The following RFX3 variants were observed in gnomAD, a reference collection of about 807,000 sequenced individuals.
The protein encoded by RFX3 is regulatory factor X3.
In RFX3, 14 loss-of-function variants were observed where a neutral mutation model predicts 98.6. The observed-to-expected ratio is 0.14, with a 90% CI of 0.09 to 0.22. The LOEUF (loss-of-function observed/expected upper bound fraction) is 0.22. RFX3 is among the 10% of genes least tolerant of loss of function. The probability of loss-of-function intolerance (pLI) is 1.00; values close to 1 mark genes in which losing one functional copy is unlikely to be tolerated. For missense variants in RFX3, 639 were observed against 926.9 expected (o/e 0.69, Z 4.03); for synonymous variants, 383 against 328.4 (o/e 1.17, Z -1.80).
chr9:3,464,555 A>T (rs1848024999), intron 1 of RFX3, among the ~76,000 whole-genome samples: 1 of 152,202 alleles, frequency 6.6e-6, no homozygotes, highest in Non-Finnish European at 1.5e-5. Flanking sequence ...AAAATTCTAG[A>T]AACAGCAAAA....
intron 2 of RFX3, among the ~76,000 whole-genome samples, chr9:3,381,520 G>A (rs909265792): frequency 2.0e-5 from 3 of 151,988 alleles, no homozygotes; most frequent in Non-Finnish European, 4.4e-5. Context: ...TCTGTATTAT[G>A]GTTTAATTCT....
intron 1 of RFX3, among the ~76,000 whole-genome samples, chr9:3,508,902 AC>A (rs1168949313): frequency 6.6e-6 from 1 of 151,826 alleles, no homozygotes; most frequent in South Asian, 2.1e-4. Flanking sequence ...TTAGCACAAT[AC>A]CGAAACTAAT....
At chr9:3,426,087 T>C (rs1843992937) in intron 1 of RFX3, among the ~76,000 whole-genome samples, 1 of 152,208 alleles carries the variant, frequency 6.6e-6, no homozygotes. Context: ...TTTACTTATA[T>C]TTTATTTACA....
At chr9:3,375,129 T>C (rs1317628912) in intron 2 of RFX3, among the ~76,000 whole-genome samples, 2 of 152,212 alleles carry the variant, frequency 1.3e-5, no homozygotes, top group African/African-American at 4.8e-5. Flanking sequence ...TTCACTAAAG[T>C]ATTACCTAAA....
intron 1 of RFX3, among the ~76,000 whole-genome samples, chr9:3,460,303 C>G (rs75375733): frequency 0.014 from 2,060 of 152,076 alleles, 61 homozygotes; most frequent in African/African-American, 0.047. Context: ...CTAAAATGCT[C>G]AATTTTCTTA....
chr9:3,516,117 C>A (rs565477647), intron 1 of RFX3, among the ~76,000 whole-genome samples: 30 of 151,994 alleles, frequency 2.0e-4, no homozygotes, highest in African/African-American at 6.8e-4. Context: ...GGCGTGATCT[C>A]GGCTCACTGC....
chr9:3,310,379 C>A (rs1270837539), intron 4 of RFX3, among the ~76,000 whole-genome samples: 2 of 152,076 alleles, frequency 1.3e-5, no homozygotes, highest in Non-Finnish European at 2.9e-5. Context: ...AGAAAAAGAA[C>A]AATTATATCA....
At chr9:3,483,842 G>C (rs1358646668) in intron 1 of RFX3, among the ~76,000 whole-genome samples, 1 of 152,054 alleles carries the variant, frequency 6.6e-6, no homozygotes, top group East Asian at 1.9e-4. Context: ...TCTTAACATA[G>C]TATTTATAAA....
intron 4 of RFX3, among the ~76,000 whole-genome samples, chr9:3,317,471 T>C (rs1315754071): frequency 6.6e-6 from 1 of 152,224 alleles, no homozygotes; most frequent in Non-Finnish European, 1.5e-5. Flanking sequence ...AAGGACTTCA[T>C]GACTAAAACA....
intron 1 of RFX3, among the ~76,000 whole-genome samples, chr9:3,456,659 C>T (rs549382226): frequency 7.2e-5 from 11 of 152,164 alleles, no homozygotes; most frequent in Non-Finnish European, 1.5e-4. Flanking sequence ...TAACCTAACT[C>T]CTAATTTGGC....
At position 3,263,087 on chromosome 9, in the gene RFX3, G is replaced by A. The variant is rs756488742; in HGVS notation, c.1456-3C>T. The A allele has an allele frequency of 1.9e-6, 3 of 1,612,558 alleles. No individual in the cohort carries two copies. The highest frequency in any genetic ancestry group is 1.7e-6 in the Non-Finnish European group (2 of 1,179,290). On this transcript the variant is annotated splice_region_variant and splice_polypyrimidine_tract_variant and intron_variant, in intron 12 of 16. Transcript: ENST00000617270. Reference sequence around the variant, plus strand: ...GCAAAGGCACTTACAGCGGCAACCTGTAACGCAATCCAATTAAGTTGGGAT... The same window carrying A: ...GCAAAGGCACTTACAGCGGCAACCTATAACGCAATCCAATTAAGTTGGGAT...
At chr9:3,325,223 T>C (rs1831777618) in intron 4 of RFX3, among the ~76,000 whole-genome samples, 1 of 152,124 alleles carries the variant, frequency 6.6e-6, no homozygotes, top group Non-Finnish European at 1.5e-5. Flanking sequence ...TTTATACTCT[T>C]AGAAAAAGCA....
intron 11 of RFX3, among the ~76,000 whole-genome samples, chr9:3,268,119 T>C (rs981489752): frequency 3.3e-5 from 5 of 151,874 alleles, no homozygotes; most frequent in African/African-American, 1.2e-4. Flanking sequence ...CATTTAAGTG[T>C]TACCCATTGA....
rs936414946 is a variant in RFX3, at chr9:3,347,634, C to A, written c.118-870G>T. On this transcript the variant is annotated intron_variant, in intron 2 of 16. Coordinates refer to ENST00000617270, the MANE Select transcript of RFX3 (RefSeq NM_001282116.2). ...AGGTCAGGAGTTCAAGACCAGTCTCCTGACCAACATGATGAAACCCCGTCT... is the reference window on the plus strand; with the variant it reads ...AGGTCAGGAGTTCAAGACCAGTCTCATGACCAACATGATGAAACCCCGTCT... Among the ~76,000 whole-genome samples the A allele has an allele frequency of 1.1e-4, 16 of 152,150 alleles. No individual in the cohort carries two copies. The East Asian group carries it at 3.1e-3, about 30-fold the overall frequency.
At chr9:3,445,914 AT>A (rs1437215992) in intron 1 of RFX3, among the ~76,000 whole-genome samples, 3 of 152,056 alleles carry the variant, frequency 2.0e-5, no homozygotes, top group Non-Finnish European at 4.4e-5. Context: ...ATCAGTTTAA[AT>A]ATTGTTTCCT....
rs832297 is a variant in RFX3, at chr9:3,224,443, T to G, written c.*599A>C. ...TCTGAACTGATAAATGTACAGCTCA[T>G]TTTTTCCTCAGAGAAAAATAGATGA... On this transcript the variant is annotated 3_prime_UTR_variant, in exon 17 of 17. Transcript: ENST00000617270. The G allele has an allele frequency of 6.6e-6, 1 of 152,404 alleles. No homozygotes were observed. The highest frequency in any genetic ancestry group is 1.5e-5 in the Non-Finnish European group (1 of 68,216). 9.4% of individuals were successfully genotyped at this position (152,404 alleles called of 1,614,324 possible). A position where few individuals can be genotyped will look rare whatever the true frequency, so the allele number is the denominator to read the frequency against.
intron 2 of RFX3, among the ~76,000 whole-genome samples, chr9:3,371,638 A>G (rs1837873652): frequency 6.6e-6 from 1 of 152,226 alleles, no homozygotes. Flanking sequence ...AGACTCATCA[A>G]CTTAAGTAAG....
intron 4 of RFX3, among the ~76,000 whole-genome samples, chr9:3,304,873 C>A (rs951449704): frequency 6.6e-6 from 1 of 151,974 alleles, no homozygotes; most frequent in African/African-American, 2.4e-5. Flanking sequence ...AACAAAAATA[C>A]AAGCATAGTT....
At chr9:3,369,893 C>A (rs182504973) in intron 2 of RFX3, among the ~76,000 whole-genome samples, 3 of 151,970 alleles carry the variant, frequency 2.0e-5, no homozygotes, top group Non-Finnish European at 4.4e-5. Flanking sequence ...GCGGTGGCGC[C>A]ATCTCCGCTC....
Sources: gnomAD v4.1 joint callset for allele counts (sites outside exome capture counted in the v4.1 genomes callset) on GRCh38, gnomAD v4.1.1 for gene constraint, MANE v1.5 for transcripts, NCBI Gene and HGNC (gene_info 2026-07-23, HGNC 2026-07-21) for gene names.